Variants in RGS6 observed in about 807,000 individuals in gnomAD.
RGS6 encodes the protein regulator of G-protein signaling 6.
Under a neutral mutation model 78.5 loss-of-function variants are expected in RGS6, and 30 were observed. That is an observed-to-expected ratio of 0.38 (90% CI 0.29 to 0.52). The LOEUF is 0.52. Among genes scored for constraint, RGS6 ranks in the 20% least tolerant of loss-of-function variants. The pLI is 0.85. For synonymous variants in RGS6, 206 were observed against 206.0 expected (o/e 1.00, Z 0.00); for missense variants, 495 against 609.7 (o/e 0.81, Z 1.98).
chr14:72,173,070 A>G (rs548433852), intron 2 of RGS6, among the ~76,000 whole-genome samples: 11 of 152,272 alleles, frequency 7.2e-5, no homozygotes, highest in African/African-American at 2.4e-4. Flanking sequence ...TGTAAAGAGG[A>G]AAATACCCTC....
chr14:72,589,596 C>CTATATA, the RGS6 span, among the ~76,000 whole-genome samples: 2 of 151,158 alleles, frequency 1.3e-5, no homozygotes, highest in African/African-American at 4.9e-5. Flanking sequence ...CAATATGTCA[C>CTATATA]TATATATATA....
intron 2 of RGS6, among the ~76,000 whole-genome samples, chr14:72,244,431 C>T (rs1389979990): frequency 6.6e-6 from 1 of 152,120 alleles, no homozygotes; most frequent in Non-Finnish European, 1.5e-5. Context: ...CTATCTATAC[C>T]TTAGCCTGGG....
chr14:72,060,946 A>C (rs1264351707), intron 2 of RGS6, among the ~76,000 whole-genome samples: 1 of 152,200 alleles, frequency 6.6e-6, no homozygotes, highest in Non-Finnish European at 1.5e-5. Context: ...AGAGGTAAAC[A>C]GGAGTGTATT....
intron 15 of RGS6, among the ~76,000 whole-genome samples, chr14:72,533,776 C>G (rs2097211302): frequency 6.6e-6 from 1 of 152,140 alleles, no homozygotes; most frequent in Non-Finnish European, 1.5e-5. Context: ...AGAAATAGAG[C>G]TTGAAGATGT....
At chr14:72,178,258 G>T (rs1297389606) in intron 2 of RGS6, among the ~76,000 whole-genome samples, 1 of 152,210 alleles carries the variant, frequency 6.6e-6, no homozygotes, top group Non-Finnish European at 1.5e-5. Flanking sequence ...TAAGGCTGTG[G>T]CCACCCAGCC....
At chr14:72,608,071 C>T in the RGS6 span, among the ~76,000 whole-genome samples, 5 of 152,262 alleles carry the variant, frequency 3.3e-5, no homozygotes, top group Admixed American at 6.5e-5. Context: ...GCTGACTGAT[C>T]GAGACCAGGG....
intron 2 of RGS6, among the ~76,000 whole-genome samples, chr14:72,170,929 C>G (rs1324671074): frequency 6.6e-6 from 1 of 152,176 alleles, no homozygotes; most frequent in Non-Finnish European, 1.5e-5. Context: ...CATGCTGTCT[C>G]TGATAATTGC....
chr14:72,457,800 A>T (rs1476154473), intron 4 of RGS6, among the ~76,000 whole-genome samples: 1 of 152,106 alleles, frequency 6.6e-6, no homozygotes, highest in Non-Finnish European at 1.5e-5. Context: ...TGGGACTGTC[A>T]TATTGGGGAA....
At chr14:72,484,360 C>T (rs956391825) in intron 12 of RGS6, among the ~76,000 whole-genome samples, 1 of 152,150 alleles carries the variant, frequency 6.6e-6, no homozygotes, top group Non-Finnish European at 1.5e-5. Context: ...AGCTGCAGGC[C>T]ATACTTCACT....
chr14:72,569,561 T>A (rs148879503), downstream of RGS6, among the ~76,000 whole-genome samples: 1,601 of 152,140 alleles, frequency 0.011, 32 homozygotes, highest in African/African-American at 0.035. Flanking sequence ...GCACCTGTAA[T>A]CCCAGCTACC....
chr14:72,259,748 A>G (rs2057762132), intron 2 of RGS6, among the ~76,000 whole-genome samples: 1 of 151,854 alleles, frequency 6.6e-6, no homozygotes, highest in African/African-American at 2.4e-5. Flanking sequence ...TCTACTAAAA[A>G]TACAAAAAAA....
intron 2 of RGS6, among the ~76,000 whole-genome samples, chr14:72,153,024 G>T (rs1310419274): frequency 6.6e-6 from 1 of 152,094 alleles, no homozygotes; most frequent in Non-Finnish European, 1.5e-5. Context: ...ACTGCAAATG[G>T]CATGAACTTC....
At chr14:71,959,637 G>T (rs1226147578) in intron 1 of RGS6, among the ~76,000 whole-genome samples, 1 of 151,654 alleles carries the variant, frequency 6.6e-6, no homozygotes, top group Non-Finnish European at 1.5e-5. Flanking sequence ...ATCACCTGAG[G>T]AGGTTGTTGG....
chr14:72,067,684 A>T (rs1379368927), intron 2 of RGS6, among the ~76,000 whole-genome samples: 1 of 152,222 alleles, frequency 6.6e-6, no homozygotes, highest in Non-Finnish European at 1.5e-5. Flanking sequence ...AAAAACTTAA[A>T]AAAATAAAAT....
intron 2 of RGS6, among the ~76,000 whole-genome samples, chr14:72,292,225 T>C (rs1288094294): frequency 5.3e-5 from 8 of 152,234 alleles, no homozygotes. Flanking sequence ...AGCGTAGACT[T>C]GACACCCCTG....
At chr14:72,023,542 C>T (rs1384293761) in intron 2 of RGS6, among the ~76,000 whole-genome samples, 2 of 152,228 alleles carry the variant, frequency 1.3e-5, no homozygotes, top group African/African-American at 2.4e-5. Flanking sequence ...TGAGAGAAGG[C>T]AACTGGAACG....
intron 2 of RGS6, among the ~76,000 whole-genome samples, chr14:72,069,114 G>C (rs554392329): frequency 1.3e-5 from 2 of 152,118 alleles, no homozygotes; most frequent in South Asian, 4.2e-4. Flanking sequence ...TGGGATTACA[G>C]GTGCATGCCA....
At chr14:72,096,467 A>G (rs2095410662) in intron 2 of RGS6, among the ~76,000 whole-genome samples, 1 of 152,174 alleles carries the variant, frequency 6.6e-6, no homozygotes, top group Admixed American at 6.5e-5. Flanking sequence ...ACAAATGTCA[A>G]TATCATGTAC....
intron 2 of RGS6, among the ~76,000 whole-genome samples, chr14:72,301,400 T>C (rs1239694025): frequency 6.6e-6 from 1 of 152,178 alleles, no homozygotes; most frequent in African/African-American, 2.4e-5. Context: ...GTGAAGTATG[T>C]ATTTATCGTT....
Sources: allele counts gnomAD v4.1 joint callset (sites outside exome capture counted in the v4.1 genomes callset), GRCh38; gene constraint gnomAD v4.1.1; transcripts MANE v1.5; gene names NCBI Gene and HGNC (gene_info 2026-07-23, HGNC 2026-07-21).